The following HNF4G variants were observed in gnomAD, a reference collection of about 807,000 sequenced individuals.
HNF4G encodes hepatocyte nuclear factor 4 gamma.
A neutral mutation model predicts 50.9 loss-of-function variants in HNF4G; 21 were observed. That is an observed-to-expected ratio of 0.41 (90% CI 0.29 to 0.59). The LOEUF is 0.59. HNF4G is among the 20% of genes least tolerant of loss of function. The pLI is 0.26. For missense variants in HNF4G, 527 were observed against 559.4 expected, an observed-to-expected ratio of 0.94 and a Z score of 0.58; for synonymous variants, 198 against 185.6, an observed-to-expected ratio of 1.07 and a Z score of -0.54.
chr8:75,506,155 C>A (rs1585904435), intron 2 of HNF4G, among the ~76,000 whole-genome samples: 1 of 151,946 alleles, frequency 6.6e-6, no homozygotes, highest in East Asian at 1.9e-4. Flanking sequence ...TACCAATCTT[C>A]TGGTATGTTA....
chr8:75,448,620 C>G (rs1289188548), intron 1 of HNF4G, among the ~76,000 whole-genome samples: 2 of 150,608 alleles, frequency 1.3e-5, no homozygotes, highest in East Asian at 1.9e-4. Context: ...AAGGGGGAAA[C>G]TGATAAGTAC....
chr8:75,427,410 T>A (rs1810915251), intron 1 of HNF4G, among the ~76,000 whole-genome samples: 1 of 152,058 alleles, frequency 6.6e-6, no homozygotes, highest in South Asian at 2.1e-4. Context: ...AAACCCAGTC[T>A]CTACTAAAAA....
At chr8:75,441,011 T>C (rs1811267590) in intron 1 of HNF4G, among the ~76,000 whole-genome samples, 4 of 152,074 alleles carry the variant, frequency 2.6e-5, no homozygotes, top group African/African-American at 4.8e-5. Context: ...GGCACCACAA[T>C]GCCCACCTAA....
At chr8:75,529,645 A>G (rs530787887) in intron 2 of HNF4G, among the ~76,000 whole-genome samples, 1 of 152,278 alleles carries the variant, frequency 6.6e-6, no homozygotes, top group East Asian at 1.9e-4. Flanking sequence ...GAAATTAATT[A>G]CATAACTACC....
Position 75,558,783 on chromosome 8 carries a change from C to T in HNF4G, c.887-18C>T. 6.2e-7 allele frequency: 1 copy of T among 1,604,254 alleles called. No homozygotes were observed. Among genetic ancestry groups the T allele is most frequent in the Non-Finnish European group, 8.5e-7 (1 of 1,171,062 alleles). On this transcript the variant is annotated intron_variant, in intron 7 of 9. Coordinates refer to ENST00000396423, the MANE Select transcript of HNF4G (RefSeq NM_004133.5). The stretch of plus-strand genomic sequence containing the variant: ...ATTAGGTTAAATCTGTACACTGCCT[C>T]TCTTATTCCTTTGTTAGATGCAAAA...
At chr8:75,525,301 T>A (rs937277045) in intron 2 of HNF4G, among the ~76,000 whole-genome samples, 4 of 152,164 alleles carry the variant, frequency 2.6e-5, no homozygotes, top group Admixed American at 2.0e-4. Flanking sequence ...CCTGAGTAGC[T>A]GGGATTACAG....
At chr8:75,539,679 T>C (rs1488042778), upstream of HNF4G, among the ~76,000 whole-genome samples, 1 of 152,202 alleles carries the variant, frequency 6.6e-6, no homozygotes, top group Non-Finnish European at 1.5e-5. Flanking sequence ...GAAATCAATT[T>C]AGGAAATCAT....
chr8:75,461,746 A>G (rs1296406803), intron 1 of HNF4G, among the ~76,000 whole-genome samples: 1 of 151,908 alleles, frequency 6.6e-6, no homozygotes, highest in African/African-American at 2.4e-5. Flanking sequence ...TTTCCTATAC[A>G]TACATACTTA....
chr8:75,561,287 A>G lies in HNF4G; in HGVS notation c.1246+821A>G, dbSNP rs145829365. On this transcript the variant is annotated intron_variant, in intron 9 of 9. Coordinates refer to ENST00000396423, the MANE Select transcript of HNF4G (RefSeq NM_004133.5). ...TCCTTCGCTGGGTTCTTGGCTGCAT[A>G]TTTAGAGACTCAAACAACAGCAGCG... 5.7e-3 allele frequency among the ~76,000 whole-genome samples: 866 copies of G among 152,232 alleles called. 8 individuals carry two copies. Among genetic ancestry groups the G allele is most frequent in the African/African-American group, 0.019 (774 of 41,536 alleles).
chr8:75,530,003 G>T (rs1229538740), intron 2 of HNF4G, among the ~76,000 whole-genome samples: 2 of 152,172 alleles, frequency 1.3e-5, no homozygotes, highest in Non-Finnish European at 2.9e-5. Context: ...CAGAGTGCGT[G>T]TGCAGAGGCT....
chr8:75,462,609 AG>A (rs1204333996), intron 1 of HNF4G, among the ~76,000 whole-genome samples: 45 of 152,364 alleles, frequency 3.0e-4, no homozygotes, highest in African/African-American at 8.9e-4. Context: ...GGATAAGGGA[AG>A]ACTGTTGTAT....
Position 75,540,100 on chromosome 8 carries a change from T to TAAAC in HNF4G, c.118+21_118+22insAACA. On this transcript the variant is annotated intron_variant, in intron 1 of 9. Coordinates refer to ENST00000396423, the MANE Select transcript of HNF4G (RefSeq NM_004133.5). The stretch of plus-strand genomic sequence containing the variant: ...CAAGTGGTGAGTTATCATCTGTTTA[T>TAAAC]AGATGTAAAGAAAAGTAAGTATAAT... 1.5e-6 allele frequency: 2 copies of TAAAC among 1,314,564 alleles called. No individual in the cohort carries two copies. Among genetic ancestry groups the TAAAC allele is most frequent in the Non-Finnish European group, 2.2e-6 (2 of 908,866 alleles). 81.4% of individuals were successfully genotyped at this position (1,314,564 alleles called of 1,614,324 possible). A position where few individuals can be genotyped will look rare whatever the true frequency, so the allele number is the denominator to read the frequency against.
At chr8:75,484,402 C>T (rs1476029860) in intron 1 of HNF4G, among the ~76,000 whole-genome samples, 2 of 152,088 alleles carry the variant, frequency 1.3e-5, no homozygotes, top group Non-Finnish European at 2.9e-5. Flanking sequence ...TGGAAACAAC[C>T]TTTGAGTTCT....
At chr8:75,416,643 G>A (rs73341164) in intron 1 of HNF4G, among the ~76,000 whole-genome samples, 1 of 152,060 alleles carries the variant, frequency 6.6e-6, no homozygotes, top group Admixed American at 6.5e-5. Flanking sequence ...TGCCTCTTTT[G>A]TGTGATCAGT....
intron 1 of HNF4G, among the ~76,000 whole-genome samples, chr8:75,418,866 T>A (rs762136662): frequency 6.6e-6 from 1 of 151,962 alleles, no homozygotes; most frequent in Non-Finnish European, 1.5e-5. Context: ...TAGCTGGGAC[T>A]ACAGGCATGA....
intron 1 of HNF4G, among the ~76,000 whole-genome samples, chr8:75,436,667 C>T (rs987102467): frequency 6.6e-6 from 1 of 152,122 alleles, no homozygotes; most frequent in African/African-American, 2.4e-5. Flanking sequence ...AAGAGAATAT[C>T]CTTCTGATTA....
chr8:75,459,383 C>T (rs559461186), intron 1 of HNF4G, among the ~76,000 whole-genome samples: 106 of 152,206 alleles, frequency 7.0e-4, no homozygotes, highest in African/African-American at 2.4e-3. Context: ...TGCCTAAATT[C>T]TTCTCATTAT....
intron 2 of HNF4G, among the ~76,000 whole-genome samples, chr8:75,532,406 G>T (rs1806352725): frequency 6.6e-6 from 1 of 152,026 alleles, no homozygotes; most frequent in Non-Finnish European, 1.5e-5. Flanking sequence ...TAGATTAAGG[G>T]AAATGATCTT....
rs1335416107 is a variant in HNF4G, at chr8:75,446,972, A to G, written c.-144+38810A>G. On this transcript the variant is annotated intron_variant, in intron 1 of 10. Transcript: ENST00000354370. ...GAACCAAAAAAGAGCCCGCATCGCC[A>G]AGCCAATCCTAAGCCAAAAGAACAA... Among the ~76,000 whole-genome samples, 12 of 145,340 alleles carry G rather than the reference A, an allele frequency of 8.3e-5. No homozygotes were observed. The South Asian group carries it at 2.7e-3, about 32-fold the overall frequency.
Sources: gnomAD v4.1 joint callset for allele counts (sites outside exome capture counted in the v4.1 genomes callset) on GRCh38, gnomAD v4.1.1 for gene constraint, MANE v1.5 for transcripts, NCBI Gene and HGNC (gene_info 2026-07-23, HGNC 2026-07-21) for gene names.